The following GALNT13 variants were observed in gnomAD, a reference collection of about 807,000 sequenced individuals.
The protein encoded by GALNT13 is polypeptide N-acetylgalactosaminyltransferase 13.
Under a neutral mutation model 64.2 loss-of-function variants are expected in GALNT13, and 28 were observed. The observed-to-expected ratio is 0.44, with a 90% confidence interval of 0.32 to 0.60. The LOEUF (loss-of-function observed/expected upper bound fraction) is 0.60, where lower values mean the gene tolerates loss of function less well. GALNT13 is among the 20% of genes least tolerant of loss of function. GALNT13 has a pLI of 0.05. For missense variants in GALNT13, 577 were observed against 669.8 expected (o/e 0.86, Z 1.53); for synonymous variants, 214 against 224.6 (o/e 0.95, Z 0.42).
the GALNT13 span, among the ~76,000 whole-genome samples, chr2:153,302,654 C>T: frequency 2.0e-5 from 3 of 151,982 alleles, no homozygotes; most frequent in Admixed American, 1.3e-4. Flanking sequence ...GGAAATTTTC[C>T]CGTGTTTTCT....
chr2:154,341,615 G>A (rs1229254759), intron 9 of GALNT13, among the ~76,000 whole-genome samples: 1 of 152,062 alleles, frequency 6.6e-6, no homozygotes, highest in Non-Finnish European at 1.5e-5. Context: ...AGACAGTTGG[G>A]GAAGAAGGAG....
the GALNT13 span, among the ~76,000 whole-genome samples, chr2:153,440,108 C>CA: frequency 1.3e-5 from 2 of 152,166 alleles, no homozygotes; most frequent in South Asian, 4.1e-4. Flanking sequence ...CCTAGCCCCC[C>CA]ACCCCCAACA....
rs561271991 is a variant in GALNT13 at position 154,437,350 on chromosome 2, C to T, written c.1396-1242C>T. 12 of 256,932 alleles carry T rather than the reference C, an allele frequency of 4.7e-5. No individual in the cohort carries two copies. The East Asian group carries it at 6.3e-4, about 13-fold the overall frequency. The allele number at this position is 256,932 out of a possible 1,614,324, so 15.9% of individuals were successfully genotyped here. On this transcript the variant is annotated intron_variant, in intron 11 of 12. Coordinates refer to ENST00000392825, the MANE Select transcript of GALNT13 (RefSeq NM_052917.4). ...AGAGGCAACTCTTCCAAGACTAACT[C>T]GTTCAGCTTACGGAGCTCCAGAGTT...
the GALNT13 span, among the ~76,000 whole-genome samples, chr2:153,538,428 A>T: frequency 7.8e-6 from 1 of 128,240 alleles, no homozygotes; most frequent in East Asian, 2.2e-4. Context: ...TTTAGGGTAC[A>T]TGTGCACATT....
the GALNT13 span, among the ~76,000 whole-genome samples, chr2:153,444,112 A>G: frequency 6.6e-6 from 1 of 152,044 alleles, no homozygotes. Flanking sequence ...ATCCATCTAC[A>G]TATCTGTCAT....
the GALNT13 span, among the ~76,000 whole-genome samples, chr2:153,168,545 G>T: frequency 6.6e-6 from 1 of 152,044 alleles, no homozygotes; most frequent in East Asian, 1.9e-4. Context: ...GTGTGGAGGG[G>T]TGTGTGTGTG....
At chr2:154,225,192 A>AGATAGATAGAT (rs1398738564) in intron 4 of GALNT13, among the ~76,000 whole-genome samples, 2 of 151,732 alleles carry the variant, frequency 1.3e-5, no homozygotes, top group African/African-American at 4.8e-5. Flanking sequence ...ATAGATAGAT[A>AGATAGATAGAT]GATACAGAGA....
the GALNT13 span, among the ~76,000 whole-genome samples, chr2:153,624,387 G>A: frequency 6.6e-6 from 1 of 152,052 alleles, no homozygotes; most frequent in African/African-American, 2.4e-5. Flanking sequence ...CTTTCTGGTG[G>A]AGGCTATTTT....
At chr2:153,615,691 A>G in the GALNT13 span, among the ~76,000 whole-genome samples, 2 of 152,070 alleles carry the variant, frequency 1.3e-5, no homozygotes, top group Non-Finnish European at 1.5e-5. Context: ...GAGAAAATGG[A>G]AATCTTTTAA....
the GALNT13 span, among the ~76,000 whole-genome samples, chr2:153,069,377 G>A: frequency 2.6e-5 from 4 of 152,160 alleles, no homozygotes; most frequent in Admixed American, 2.6e-4. Context: ...TACCTGGGAA[G>A]AGTGCTGCAG....
chr2:153,073,134 G>C, the GALNT13 span, among the ~76,000 whole-genome samples: 1 of 151,944 alleles, frequency 6.6e-6, no homozygotes, highest in African/African-American at 2.4e-5. Flanking sequence ...ACAATATGCT[G>C]TTCAAAAAAA....
chr2:154,427,834 AG>A (rs781678647), intron 11 of GALNT13, among the ~76,000 whole-genome samples: 3 of 152,220 alleles, frequency 2.0e-5, no homozygotes, highest in East Asian at 1.9e-4. Context: ...GCATAGGAAA[AG>A]GTACTGTCTG....
the GALNT13 span, among the ~76,000 whole-genome samples, chr2:153,785,981 C>T: frequency 1.3e-5 from 2 of 151,974 alleles, no homozygotes; most frequent in Non-Finnish European, 2.9e-5. Flanking sequence ...AGCTCCCCAA[C>T]GAGCAGGGCC....
At chr2:153,481,135 C>G in the GALNT13 span, among the ~76,000 whole-genome samples, 1 of 152,104 alleles carries the variant, frequency 6.6e-6, no homozygotes, top group East Asian at 1.9e-4. Context: ...TAGTTCAGCT[C>G]TCTGGTTTTG....
the GALNT13 span, among the ~76,000 whole-genome samples, chr2:153,671,944 A>G: frequency 6.6e-6 from 1 of 152,242 alleles, no homozygotes; most frequent in Non-Finnish European, 1.5e-5. Context: ...AAAGATCAAA[A>G]GAGACAAAGA....
the GALNT13 span, among the ~76,000 whole-genome samples, chr2:153,153,258 TC>T: frequency 0.014 from 2,134 of 152,246 alleles, 24 homozygotes; most frequent in South Asian, 0.06. Context: ...TTTGTTTTGT[TC>T]CTGTAAATTT....
rs1468184044 is a variant in GALNT13, at chr2:154,166,834, A to G, written c.311+26329A>G. Among the ~76,000 whole-genome samples the G allele has an allele frequency of 2.0e-5, 3 of 152,120 alleles. No individual in the cohort carries two copies. In the South Asian group the frequency reaches 6.2e-4, roughly 32 times the overall value. On this transcript the variant is annotated intron_variant, in intron 4 of 12. Coordinates refer to ENST00000392825, the MANE Select transcript of GALNT13 (RefSeq NM_052917.4). ...GAGTTCATGTCCTTTGTAGGGACATAGATGAAGCTGGAAACCATCATTCTG... is the reference window on the plus strand; with the variant it reads ...GAGTTCATGTCCTTTGTAGGGACATGGATGAAGCTGGAAACCATCATTCTG...
At chr2:153,265,342 A>G in the GALNT13 span, among the ~76,000 whole-genome samples, 1 of 152,162 alleles carries the variant, frequency 6.6e-6, no homozygotes, top group African/African-American at 2.4e-5. Flanking sequence ...GCAGGAACTC[A>G]GGTCTGATGG....
the GALNT13 span, among the ~76,000 whole-genome samples, chr2:153,443,236 TATCTGGGCCGG>T: frequency 6.6e-6 from 1 of 151,920 alleles, no homozygotes; most frequent in Non-Finnish European, 1.5e-5. Flanking sequence ...AAAAGTGGAG[TATCTGGGCCGG>T]ATTACACAAT....
Sources: gnomAD v4.1 joint callset for allele counts (sites outside exome capture counted in the v4.1 genomes callset) on GRCh38, gnomAD v4.1.1 for gene constraint, MANE v1.5 for transcripts, NCBI Gene and HGNC (gene_info 2026-07-23, HGNC 2026-07-21) for gene names.